The following COL22A1 variants were observed in gnomAD, a reference collection of about 807,000 sequenced individuals.
The protein encoded by COL22A1 is collagen alpha-1(XXII) chain.
A neutral mutation model predicts 248.9 loss-of-function variants in COL22A1; 221 were observed. The ratio of observed to expected loss-of-function variants is 0.89; its 90% CI spans 0.80 to 0.99. The LOEUF is 0.99. Among genes scored for constraint, COL22A1 ranks in the 50% least tolerant of loss-of-function variants. COL22A1 has a pLI of 0.00. For missense variants in COL22A1, 2,240 were observed against 2,179.0 expected (o/e 1.03, Z -0.56); for synonymous variants, 891 against 793.4 (o/e 1.12, Z -2.07).
chr8:138,759,358 C>T (rs536292558), intron 18 of COL22A1, among the ~76,000 whole-genome samples: 75 of 152,312 alleles, frequency 4.9e-4, no homozygotes, highest in African/African-American at 1.7e-3. Flanking sequence ...TGAGAAGAAG[C>T]GATGCTGATC....
intron 52 of COL22A1, chr8:138,620,672 A>T (rs1423599698): frequency 6.6e-6 from 1 of 152,130 alleles, no homozygotes; most frequent in African/African-American, 2.4e-5. Context: ...CAGCTACTGA[A>T]GGTTTTCACT....
At chr8:138,684,294 A>G (rs1826176475) in intron 39 of COL22A1, 131 bp downstream of exon 39, 2 of 756,854 alleles carry the variant, frequency 2.6e-6, no homozygotes, top group Non-Finnish European at 4.8e-6. Context: ...ACCTTTAGTC[A>G]AATGGAACAC....
intron 7 of COL22A1, 43 bp downstream of exon 7, chr8:138,821,093 G>T: frequency 6.3e-7 from 1 of 1,598,788 alleles, no homozygotes; most frequent in Non-Finnish European, 8.6e-7. Context: ...GCTTCTCCCC[G>T]GTGGCCTGGA....
At chr8:138,771,893 G>A (rs767040818) in intron 16 of COL22A1, among the ~76,000 whole-genome samples, 23 of 152,150 alleles carry the variant, frequency 1.5e-4, no homozygotes, top group Non-Finnish European at 2.9e-4. Context: ...ACTGCACCGC[G>A]CCTCAGGAGC....
intron 56 of COL22A1, 32 bp from the exon 57 acceptor site, chr8:138,608,021 C>A (rs2131863116): frequency 6.2e-7 from 1 of 1,607,304 alleles, no homozygotes; most frequent in Non-Finnish European, 8.5e-7. Context: ...ATCATCCTGC[C>A]AGGGCATCAA....
intron 2 of COL22A1, among the ~76,000 whole-genome samples, chr8:138,881,557 C>T (rs1413175522): frequency 6.6e-6 from 1 of 152,054 alleles, no homozygotes; most frequent in African/African-American, 2.4e-5. Context: ...TGGTGGCAGG[C>T]GCCTGTAGTC....
At chr8:138,722,410 G>C (rs1422632073) in intron 25 of COL22A1, among the ~76,000 whole-genome samples, 1 of 152,294 alleles carries the variant, frequency 6.6e-6, no homozygotes, top group East Asian at 1.9e-4. Flanking sequence ...TCAGCTTCCA[G>C]GAGGCCCTGG....
chr8:138,880,905 C>T (rs1824148992), intron 2 of COL22A1, among the ~76,000 whole-genome samples: 4 of 152,346 alleles, frequency 2.6e-5, no homozygotes, highest in Admixed American at 2.6e-4. Context: ...CAGGAGGCCT[C>T]CCCAAGGGGC....
At chr8:138,672,552 C>A (rs1409338986) in intron 41 of COL22A1, among the ~76,000 whole-genome samples, 1 of 152,156 alleles carries the variant, frequency 6.6e-6, no homozygotes, top group Non-Finnish European at 1.5e-5. Flanking sequence ...AATTCTGTCC[C>A]TTTTGTATGT....
At chr8:138,604,045 G>A (rs1220572070) in intron 59 of COL22A1, among the ~76,000 whole-genome samples, 3 of 152,182 alleles carry the variant, frequency 2.0e-5, no homozygotes, top group African/African-American at 7.2e-5. Flanking sequence ...CTTTGCTTCA[G>A]TGTCAAGGAA....
At chr8:138,892,506 G>A (rs1270267824) in intron 1 of COL22A1, among the ~76,000 whole-genome samples, 1 of 152,188 alleles carries the variant, frequency 6.6e-6, no homozygotes, top group Non-Finnish European at 1.5e-5. Context: ...TGCAGCCCCA[G>A]CAAGCATGGG....
At chr8:138,623,174 C>A (rs1476919929) in intron 52 of COL22A1, among the ~76,000 whole-genome samples, 2 of 150,126 alleles carry the variant, frequency 1.3e-5, no homozygotes, top group East Asian at 3.9e-4. Context: ...TGACATTAAA[C>A]AAAACCAAAA....
intron 39 of COL22A1, among the ~76,000 whole-genome samples, 158 bp from the exon 40 acceptor site, chr8:138,679,834 C>T (rs1241413005): frequency 6.6e-6 from 1 of 152,164 alleles, no homozygotes; most frequent in Non-Finnish European, 1.5e-5. Flanking sequence ...TAACCATTTC[C>T]TGGATGCAGG....
At position 138,774,880 on chromosome 8, in the gene COL22A1, G is replaced by A. The variant is rs145042757; in HGVS notation, c.1803+1086C>T. 4.9e-3 allele frequency among the ~76,000 whole-genome samples: 751 copies of A among 152,258 alleles called. 4 individuals are homozygous for A. The highest frequency in any genetic ancestry group is 7.4e-3 in the Non-Finnish European group (501 of 68,018). On this transcript the variant is annotated intron_variant, in intron 16 of 64. Coordinates refer to ENST00000303045, the MANE Select transcript of COL22A1 (RefSeq NM_152888.3). ...AGCACGGAGAAAACGCTGCATGTCG[G>A]AACAGCAAACAGGACGCAGCATGGA...
intron 22 of COL22A1, among the ~76,000 whole-genome samples, chr8:138,750,362 G>C (rs1399060123): frequency 6.6e-6 from 1 of 152,178 alleles, no homozygotes; most frequent in Non-Finnish European, 1.5e-5. Context: ...GGTTATAGGA[G>C]GCACAGTTCT....
At chr8:138,784,065 G>A (rs543802181) in intron 12 of COL22A1, among the ~76,000 whole-genome samples, 1 of 152,300 alleles carries the variant, frequency 6.6e-6, no homozygotes, top group African/African-American at 2.4e-5. Flanking sequence ...ATGGAGACCA[G>A]GCTGCCATTG....
At chr8:138,691,603 GCATGCA>G (rs796485869) in intron 35 of COL22A1, among the ~76,000 whole-genome samples, 1 of 1,186 alleles carries the variant, frequency 8.4e-4, no homozygotes, top group African/African-American at 2.9e-3. Flanking sequence ...AGGTGTGTGT[GCATGCA>G]TGTGTGCACG....
chr8:138,784,515 A>C (rs912703031), intron 12 of COL22A1, among the ~76,000 whole-genome samples: 1 of 152,158 alleles, frequency 6.6e-6, no homozygotes, highest in Non-Finnish European at 1.5e-5. Context: ...CTGGAATTTA[A>C]ATTTTAAAAT....
intron 12 of COL22A1, among the ~76,000 whole-genome samples, chr8:138,789,908 C>T (rs976814014): frequency 3.3e-5 from 5 of 152,334 alleles, no homozygotes; most frequent in Admixed American, 1.3e-4. Context: ...ACTTCCTTTT[C>T]AAAGTCACTA....
Sources: allele counts gnomAD v4.1 joint callset (sites outside exome capture counted in the v4.1 genomes callset), GRCh38; gene constraint gnomAD v4.1.1; transcripts MANE v1.5; gene names NCBI Gene and HGNC (gene_info 2026-07-23, HGNC 2026-07-21).